Variants in LINGO2 observed in about 807,000 individuals in gnomAD.
LINGO2 encodes leucine-rich repeat and immunoglobulin-like domain-containing nogo receptor-interacting protein 2.
In LINGO2, 14 loss-of-function variants were observed where a neutral mutation model predicts 30.6. The ratio of observed to expected loss-of-function variants is 0.46; its 90% CI spans 0.30 to 0.72. The LOEUF (loss-of-function observed/expected upper bound fraction) is 0.72, where lower values mean the gene tolerates loss of function less well. Ranked by LOEUF, LINGO2 falls within the 30% of genes least tolerant of loss-of-function variation. The pLI, the probability that LINGO2 is intolerant of heterozygous loss-of-function variation, is 0.07. For missense variants in LINGO2, 729 were observed against 751.7 expected, an observed-to-expected ratio of 0.97 and a Z score of 0.35; for synonymous variants, 317 against 288.5, an observed-to-expected ratio of 1.10 and a Z score of -1.00.
the LINGO2 span, among the ~76,000 whole-genome samples, chr9:28,830,617 T>C: frequency 6.6e-6 from 1 of 152,212 alleles, no homozygotes; most frequent in Non-Finnish European, 1.5e-5. Flanking sequence ...AAGGAGGGAA[T>C]GAATGAAAGA....
the LINGO2 span, among the ~76,000 whole-genome samples, chr9:29,095,542 C>A: frequency 2.9e-5 from 4 of 138,550 alleles, 1 homozygote; most frequent in African/African-American, 1.1e-4. Flanking sequence ...CATGTGCTCA[C>A]TGAACCAATA....
intron 4 of LINGO2, among the ~76,000 whole-genome samples, chr9:28,250,909 C>T (rs1177673521): frequency 1.4e-5 from 2 of 145,260 alleles, no homozygotes; most frequent in African/African-American, 5.1e-5. Flanking sequence ...CAGTTGGGGA[C>T]CTGCAAATCC....
intron 1 of LINGO2, among the ~76,000 whole-genome samples, chr9:28,562,255 C>T (rs79354071): frequency 6.6e-6 from 1 of 151,758 alleles, no homozygotes; most frequent in Non-Finnish European, 1.5e-5. Flanking sequence ...AAGTAAGGAA[C>T]GATGATTATT....
At chr9:29,145,242 C>A in the LINGO2 span, among the ~76,000 whole-genome samples, 1,052 of 152,224 alleles carry the variant, frequency 6.9e-3, 8 homozygotes, top group Admixed American at 0.011. Context: ...TTGTTCTGGG[C>A]ACACATTATG....
chr9:28,877,602 T>C, the LINGO2 span, among the ~76,000 whole-genome samples: 3 of 152,202 alleles, frequency 2.0e-5, no homozygotes, highest in African/African-American at 2.4e-5. Context: ...TTCTGTTCCA[T>C]TGATCTATAT....
intron 4 of LINGO2, among the ~76,000 whole-genome samples, chr9:28,134,574 C>T (rs1039698750): frequency 8.6e-5 from 13 of 151,866 alleles, no homozygotes; most frequent in African/African-American, 1.9e-4. Flanking sequence ...CAGAGGTAGC[C>T]GATTCCGGAG....
chr9:29,064,699 G>A, the LINGO2 span, among the ~76,000 whole-genome samples: 854 of 151,994 alleles, frequency 5.6e-3, 10 homozygotes, highest in African/African-American at 0.02. Flanking sequence ...GCTTTTTAGT[G>A]AACAATTTCA....
the LINGO2 span, among the ~76,000 whole-genome samples, chr9:28,938,201 G>A: frequency 1.3e-5 from 2 of 152,096 alleles, no homozygotes; most frequent in African/African-American, 4.8e-5. Flanking sequence ...CTCTGCTGGA[G>A]TCACCCATTT....
chr9:28,140,382 G>A (rs1019925687), intron 4 of LINGO2, among the ~76,000 whole-genome samples: 2 of 152,190 alleles, frequency 1.3e-5, no homozygotes, highest in African/African-American at 4.8e-5. Context: ...TAAATCATTT[G>A]TTACTATCAC....
the LINGO2 span, among the ~76,000 whole-genome samples, chr9:29,057,199 AT>A: frequency 6.6e-6 from 1 of 151,892 alleles, no homozygotes. Context: ...CAGTATGGTC[AT>A]TTTCACAATA....
chr9:28,883,009 G>A, the LINGO2 span, among the ~76,000 whole-genome samples: 1 of 152,032 alleles, frequency 6.6e-6, no homozygotes. Context: ...TGTGTTAACT[G>A]GCCTTCCCCA....
the LINGO2 span, among the ~76,000 whole-genome samples, chr9:28,820,674 T>C: frequency 6.6e-6 from 1 of 152,212 alleles, no homozygotes; most frequent in Non-Finnish European, 1.5e-5. Flanking sequence ...GGATCTCTCA[T>C]TCTAAATTCA....
intron 1 of LINGO2, among the ~76,000 whole-genome samples, chr9:28,528,568 ATTT>A (rs1267216924): frequency 6.6e-6 from 1 of 152,112 alleles, no homozygotes; most frequent in East Asian, 1.9e-4. Context: ...CACTGCTTAC[ATTT>A]TGTATTGGGA....
intron 4 of LINGO2, among the ~76,000 whole-genome samples, chr9:28,224,139 A>G (rs1821063646): frequency 6.6e-6 from 1 of 152,070 alleles, no homozygotes; most frequent in African/African-American, 2.4e-5. Flanking sequence ...ATCTCGGCTC[A>G]CTGCAAGCTC....
At position 27,980,014 on chromosome 9, in the gene LINGO2, T is replaced by C. The variant is rs1028919343; in HGVS notation, c.-35-29308A>G. Reference sequence around the variant, plus strand: ...ATTCCGGTCCCATCCTGTATTGACATGTGAAGGGGACAGGACTTAAGGTGC... The same window carrying C: ...ATTCCGGTCCCATCCTGTATTGACACGTGAAGGGGACAGGACTTAAGGTGC... On this transcript the variant is annotated intron_variant, in intron 5 of 5. Coordinates refer to ENST00000379992, the Ensembl canonical transcript of LINGO2. 3.3e-5 allele frequency among the ~76,000 whole-genome samples: 5 copies of C among 151,878 alleles called. No individual in the cohort carries two copies. In the East Asian group the frequency reaches 9.7e-4, roughly 29 times the overall value.
chr9:28,676,621 TTGTTGGTGGTGG>T, the LINGO2 span, among the ~76,000 whole-genome samples: 1 of 152,068 alleles, frequency 6.6e-6, no homozygotes, highest in Non-Finnish European at 1.5e-5. Context: ...AAAACATGTG[TTGTTGGTGGTGG>T]TGTTGGTGGT....
the LINGO2 span, among the ~76,000 whole-genome samples, chr9:29,175,046 G>A: frequency 6.6e-6 from 1 of 152,000 alleles, no homozygotes; most frequent in African/African-American, 2.4e-5. Flanking sequence ...GGACAATGAG[G>A]TTGGGAGTTA....
At chr9:28,861,365 A>C in the LINGO2 span, among the ~76,000 whole-genome samples, 6 of 135,482 alleles carry the variant, frequency 4.4e-5, no homozygotes, top group South Asian at 6.4e-4. Flanking sequence ...TTTAATATAT[A>C]TATACACACA....
chr9:28,348,464 G>A (rs968234741), intron 3 of LINGO2, among the ~76,000 whole-genome samples: 5 of 152,084 alleles, frequency 3.3e-5, no homozygotes, highest in African/African-American at 4.8e-5. Context: ...GGCACACCAC[G>A]AGATTATATC....
Sources: allele counts gnomAD v4.1 joint callset (sites outside exome capture counted in the v4.1 genomes callset), GRCh38; gene constraint gnomAD v4.1.1; transcripts MANE v1.5; gene names NCBI Gene and HGNC (gene_info 2026-07-23, HGNC 2026-07-21).